Variants in ROBO1 observed in about 807,000 individuals in gnomAD.
ROBO1 encodes the protein roundabout homolog 1.
In ROBO1, 149 loss-of-function variants were observed where a neutral mutation model predicts 195.9. The ratio of observed to expected loss-of-function variants is 0.76; its 90% confidence interval spans 0.67 to 0.87. ROBO1 has a LOEUF of 0.87. ROBO1 is among the 40% of genes least tolerant of loss of function. The pLI is 0.00. For missense variants in ROBO1, 1,933 were observed against 2,068.3 expected (o/e 0.93, Z 1.27); for synonymous variants, 816 against 733.2 (o/e 1.11, Z -1.82).
chr3:78,747,871 T>C (rs2082694602), intron 4 of ROBO1, among the ~76,000 whole-genome samples: 1 of 152,202 alleles, frequency 6.6e-6, no homozygotes. Context: ...ATGAATTATG[T>C]GGCATGTTAG....
In ROBO1 at chr3:78,597,575, A is replaced by ATGAT. The variant is rs1473825035; in HGVS notation, c.*1334_*1337dup. On this transcript the variant is annotated 3_prime_UTR_variant, in exon 31 of 31. Coordinates refer to ENST00000464233, the MANE Select transcript of ROBO1 (RefSeq NM_002941.4). The stretch of plus-strand genomic sequence containing the variant: ...TCAAATAGCACCAATTATAAAATCA[A>ATGAT]TGATATTCATAAAATGACAAAAAAG... 1 of 151,586 alleles carries ATGAT rather than the reference A, an allele frequency of 6.6e-6. No homozygotes were observed. The highest frequency in any genetic ancestry group is 2.5e-5 in the African/African-American group (1 of 40,704). 9.4% of individuals were successfully genotyped at this position (151,586 alleles called of 1,614,324 possible).
chr3:79,420,331 C>CA (rs2038174336), intron 2 of ROBO1, among the ~76,000 whole-genome samples: 1 of 152,072 alleles, frequency 6.6e-6, no homozygotes, highest in South Asian at 2.1e-4. Context: ...GAGAATCTTG[C>CA]ATCCATGTTA....
chr3:78,966,666 CTTTAA>C (rs2076652064), intron 3 of ROBO1, among the ~76,000 whole-genome samples: 1 of 152,162 alleles, frequency 6.6e-6, no homozygotes, highest in African/African-American at 2.4e-5. Flanking sequence ...AAACATATTG[CTTTAA>C]TTTAAATACA....
chr3:79,259,463 TA>T (rs1279282833), intron 2 of ROBO1, among the ~76,000 whole-genome samples: 1 of 152,128 alleles, frequency 6.6e-6, no homozygotes, highest in East Asian at 1.9e-4. Context: ...TCAGTTATCT[TA>T]AAATGTACAA....
At chr3:79,139,453 A>G (rs2080477257) in intron 2 of ROBO1, among the ~76,000 whole-genome samples, 2 of 152,170 alleles carry the variant, frequency 1.3e-5, no homozygotes, top group South Asian at 2.1e-4. Flanking sequence ...GAAATTATGC[A>G]TCAGTATGAC....
chr3:79,064,852 GTT>G (rs1011366554), intron 3 of ROBO1, among the ~76,000 whole-genome samples: 1 of 151,862 alleles, frequency 6.6e-6, no homozygotes, highest in Non-Finnish European at 1.5e-5. Flanking sequence ...CTGTCTTCAT[GTT>G]TTTCCTCAAA....
chr3:78,668,679 AC>A, intron 11 of ROBO1, 114 bp from the exon 12 acceptor site: 1 of 808,782 alleles, frequency 1.2e-6, no homozygotes, highest in Non-Finnish European at 1.9e-6. Context: ...ATTAAAATTC[AC>A]TAACCAGAAA....
In ROBO1 at chr3:79,451,049, T is replaced by C. The variant is rs138939609; in HGVS notation, c.88+138775A>G. Among the ~76,000 whole-genome samples the C allele has an allele frequency of 6.8e-3, 1,037 of 152,140 alleles. 4 individuals are homozygous for C. Among genetic ancestry groups the C allele is most frequent in the Middle Eastern group, 0.021 (6 of 284 alleles). On this transcript the variant is annotated intron_variant, in intron 2 of 30. Coordinates refer to ENST00000464233, the MANE Select transcript of ROBO1 (RefSeq NM_002941.4). ...GTTTGTATTTTCTCCTTTCTTTTTA[T>C]TTTTCAATTCTTGTCTTTTTAGATT...
chr3:79,139,849 G>T (rs1228585271), intron 2 of ROBO1, among the ~76,000 whole-genome samples: 2 of 152,100 alleles, frequency 1.3e-5, no homozygotes, highest in Admixed American at 6.5e-5. Context: ...CTCCCTTCCA[G>T]TCAAAGCATA....
rs945770612 is a variant in ROBO1 at position 79,697,751 on chromosome 3, G to GA, written c.-51+70000dup. On this transcript the variant is annotated intron_variant, in intron 1 of 30. Coordinates refer to ENST00000464233, the MANE Select transcript of ROBO1 (RefSeq NM_002941.4). Reference sequence around the variant, plus strand: ...AGAAGCAGAAAATGTAATCAGAAATGAAAAAATACTACTTAGTAATAAGCA... The same window carrying GA: ...AGAAGCAGAAAATGTAATCAGAAATGAAAAAAATACTACTTAGTAATAAGCA... Among the ~76,000 whole-genome samples the GA allele has an allele frequency of 1.5e-4, 23 of 151,376 alleles. No individual in the cohort carries two copies. The East Asian group carries it at 3.7e-3, about 24-fold the overall frequency.
intron 2 of ROBO1, among the ~76,000 whole-genome samples, chr3:79,405,635 C>T (rs1372476515): frequency 2.5e-4 from 38 of 152,078 alleles, no homozygotes; most frequent in Admixed American, 2.4e-3. Flanking sequence ...ATCAACATTG[C>T]AAGAATATTT....
intron 2 of ROBO1, among the ~76,000 whole-genome samples, chr3:79,483,443 A>G (rs1223919670): frequency 1.3e-5 from 2 of 152,188 alleles, no homozygotes; most frequent in Non-Finnish European, 2.9e-5. Flanking sequence ...TCGGATGAAA[A>G]TGCAGTCATG....
intron 4 of ROBO1, among the ~76,000 whole-genome samples, chr3:78,915,270 A>G (rs1179192951): frequency 1.3e-5 from 2 of 152,212 alleles, no homozygotes; most frequent in Non-Finnish European, 2.9e-5. Flanking sequence ...ATGTTCAAAA[A>G]GAGTTTCCTA....
At chr3:79,409,271 A>C (rs1228281232) in intron 2 of ROBO1, among the ~76,000 whole-genome samples, 1 of 152,180 alleles carries the variant, frequency 6.6e-6, no homozygotes, top group Non-Finnish European at 1.5e-5. Flanking sequence ...ATGACAAAAA[A>C]AAGATTTATA....
At chr3:78,780,660 A>G (rs1576152364) in intron 4 of ROBO1, among the ~76,000 whole-genome samples, 1 of 152,170 alleles carries the variant, frequency 6.6e-6, no homozygotes, top group African/African-American at 2.4e-5. Context: ...TTGTCTGATC[A>G]GGAAGCCTAT....
intron 2 of ROBO1, among the ~76,000 whole-genome samples, chr3:79,588,078 G>A (rs919102741): frequency 5.3e-5 from 8 of 151,596 alleles, no homozygotes; most frequent in Non-Finnish European, 7.4e-5. Flanking sequence ...CAATTTGTGC[G>A]GTGAATTTTT....
chr3:79,311,553 G>A (rs2033482773), intron 2 of ROBO1, among the ~76,000 whole-genome samples: 1 of 152,114 alleles, frequency 6.6e-6, no homozygotes, highest in South Asian at 2.1e-4. Context: ...GGTTAATCAT[G>A]CAGGTAAGAA....
chr3:79,253,754 G>A (rs1054901088), intron 2 of ROBO1, among the ~76,000 whole-genome samples: 4 of 152,208 alleles, frequency 2.6e-5, no homozygotes. Flanking sequence ...AAGAGAGAGA[G>A]TAGCGTGAGT....
At chr3:79,652,473 G>A (rs115594478) in intron 1 of ROBO1, among the ~76,000 whole-genome samples, 1,675 of 152,124 alleles carry the variant, frequency 0.011, 14 homozygotes, top group Non-Finnish European at 0.016. Context: ...TGGCTTTTGG[G>A]AATTTTGCAT....
Sources: gnomAD v4.1 joint callset for allele counts (sites outside exome capture counted in the v4.1 genomes callset) on GRCh38, gnomAD v4.1.1 for gene constraint, MANE v1.5 for transcripts, NCBI Gene and HGNC (gene_info 2026-07-23, HGNC 2026-07-21) for gene names.